The following ARL15 variants were observed in gnomAD, a reference collection of about 807,000 sequenced individuals.
The protein encoded by ARL15 is ARF like GTPase 15.
A neutral mutation model predicts 25.2 loss-of-function variants in ARL15; 19 were observed. The ratio of observed to expected loss-of-function variants is 0.75; its 90% CI spans 0.53 to 1.10. The LOEUF (loss-of-function observed/expected upper bound fraction) is 1.10, where lower values mean the gene tolerates loss of function less well. Among genes scored for constraint, ARL15 ranks in the 50% least tolerant of loss-of-function variants. The probability of loss-of-function intolerance (pLI) is 0.00; values close to 1 mark genes in which losing one functional copy is unlikely to be tolerated. For synonymous variants in ARL15, 94 were observed against 86.8 expected (o/e 1.08, Z -0.46); for missense variants, 220 against 246.0 (o/e 0.89, Z 0.71).
chr5:54,028,858 T>C (rs1223447058), intron 4 of ARL15, among the ~76,000 whole-genome samples: 1 of 151,946 alleles, frequency 6.6e-6, no homozygotes, highest in Admixed American at 6.6e-5. Flanking sequence ...CAAATAATAA[T>C]ACTACTACTA....
At chr5:54,261,965 T>A (rs1757507381) in intron 1 of ARL15, among the ~76,000 whole-genome samples, 1 of 152,204 alleles carries the variant, frequency 6.6e-6, no homozygotes, top group Non-Finnish European at 1.5e-5. Flanking sequence ...TAAGTTTATC[T>A]GGGATAATGT....
chr5:54,105,921 T>C (rs964020369), intron 4 of ARL15, among the ~76,000 whole-genome samples: 1 of 152,194 alleles, frequency 6.6e-6, no homozygotes, highest in Non-Finnish European at 1.5e-5. Flanking sequence ...TACCAGTCTC[T>C]ATGTGATAAA....
At chr5:53,912,400 T>C (rs1450736507) in intron 4 of ARL15, among the ~76,000 whole-genome samples, 3 of 152,160 alleles carry the variant, frequency 2.0e-5, no homozygotes, top group African/African-American at 7.2e-5. Flanking sequence ...AAATCAGTGA[T>C]TAATAACACG....
At chr5:54,153,833 A>G (rs1349202333) in intron 3 of ARL15, among the ~76,000 whole-genome samples, 2 of 152,212 alleles carry the variant, frequency 1.3e-5, no homozygotes, top group Non-Finnish European at 2.9e-5. Flanking sequence ...AAACAAAACA[A>G]AACAAAACAA....
At chr5:54,167,080 A>G (rs931242626) in intron 2 of ARL15, among the ~76,000 whole-genome samples, 11 of 152,190 alleles carry the variant, frequency 7.2e-5, no homozygotes, top group Admixed American at 3.9e-4. Flanking sequence ...CTTGTGAGTT[A>G]TAAGTTTTTC....
At chr5:54,306,696 A>G (rs897918341) in intron 1 of ARL15, among the ~76,000 whole-genome samples, 5 of 151,796 alleles carry the variant, frequency 3.3e-5, no homozygotes, top group African/African-American at 4.8e-5. Flanking sequence ...CAGCCACACA[A>G]TACGTTAACA....
At chr5:54,200,234 T>G (rs1370006850) in intron 1 of ARL15, among the ~76,000 whole-genome samples, 1 of 151,174 alleles carries the variant, frequency 6.6e-6, no homozygotes, top group Non-Finnish European at 1.5e-5. Context: ...GCATGGCACA[T>G]GTATACATAT....
intron 4 of ARL15, among the ~76,000 whole-genome samples, chr5:54,091,757 G>A (rs1385418392): frequency 6.6e-6 from 1 of 151,308 alleles, no homozygotes; most frequent in Non-Finnish European, 1.5e-5. Context: ...AGCAAGACTT[G>A]AGATGAAGAG....
intron 1 of ARL15, among the ~76,000 whole-genome samples, chr5:54,195,234 T>A (rs188553586): frequency 6.6e-6 from 1 of 152,224 alleles, no homozygotes; most frequent in East Asian, 1.9e-4. Flanking sequence ...AATATATACC[T>A]GGGCAGCAAG....
chr5:54,175,574 A>C (rs1162603514), intron 1 of ARL15, among the ~76,000 whole-genome samples: 1 of 151,480 alleles, frequency 6.6e-6, no homozygotes, highest in African/African-American at 2.4e-5. Context: ...ACTTCAGGTG[A>C]TCCACTCACC....
chr5:54,261,281 G>C lies in ARL15; in HGVS notation c.48+49151C>G, dbSNP rs188734858. ...TGCACCCATTAACAGACCACAGTTTGTTTTTAAGTGATCTAGTACTTACAT... is the reference window on the plus strand; with the variant it reads ...TGCACCCATTAACAGACCACAGTTTCTTTTTAAGTGATCTAGTACTTACAT... On this transcript the variant is annotated intron_variant, in intron 1 of 4. Transcript: ENST00000504924. Among the ~76,000 whole-genome samples the C allele has an allele frequency of 2.0e-5, 3 of 152,286 alleles. No homozygotes were observed. The East Asian group carries it at 5.8e-4, about 29-fold the overall frequency.
At chr5:53,927,102 A>G (rs531671125) in intron 4 of ARL15, among the ~76,000 whole-genome samples, 1 of 152,280 alleles carries the variant, frequency 6.6e-6, no homozygotes, top group South Asian at 2.1e-4. Context: ...GTACACTCAC[A>G]TTGTTGTGCA....
chr5:54,140,543 T>A (rs1220746250), intron 3 of ARL15, among the ~76,000 whole-genome samples: 1 of 151,970 alleles, frequency 6.6e-6, no homozygotes, highest in Non-Finnish European at 1.5e-5. Flanking sequence ...AACATGATAG[T>A]GGTGGCTCCC....
intron 4 of ARL15, among the ~76,000 whole-genome samples, chr5:53,982,537 A>C (rs919759664): frequency 1.3e-5 from 2 of 152,138 alleles, no homozygotes; most frequent in Non-Finnish European, 2.9e-5. Flanking sequence ...ATGGCTGCAT[A>C]GTATTCCATG....
At chr5:54,229,411 C>T (rs1182325664) in intron 1 of ARL15, among the ~76,000 whole-genome samples, 1 of 152,116 alleles carries the variant, frequency 6.6e-6, no homozygotes. Context: ...CTTCGGGTAC[C>T]TGCATCAGAA....
intron 4 of ARL15, among the ~76,000 whole-genome samples, chr5:54,076,536 A>G (rs255766): frequency 0.49 from 74,162 of 151,860 alleles, 20,038 homozygotes; most frequent in Non-Finnish European, 0.61. Flanking sequence ...CCTTTCTGAT[A>G]AACTATTTGA....
intron 1 of ARL15, among the ~76,000 whole-genome samples, chr5:54,248,434 G>A (rs26885): frequency 0.73 from 110,971 of 152,008 alleles, 41,256 homozygotes; most frequent in Non-Finnish European, 0.79. Flanking sequence ...CTGATTCAGG[G>A]CCTTTGCAAT....
At chr5:54,152,498 T>C (rs111415675) in intron 3 of ARL15, among the ~76,000 whole-genome samples, 1 of 152,120 alleles carries the variant, frequency 6.6e-6, no homozygotes, top group Non-Finnish European at 1.5e-5. Flanking sequence ...GGATACACAA[T>C]TGGATTCTAC....
At chr5:54,290,020 G>A (rs772367132) in intron 1 of ARL15, among the ~76,000 whole-genome samples, 5 of 152,010 alleles carry the variant, frequency 3.3e-5, no homozygotes, top group Non-Finnish European at 7.4e-5. Context: ...TGGTGTCTCC[G>A]CCTGCTGTCA....
Sources: allele counts gnomAD v4.1 joint callset (sites outside exome capture counted in the v4.1 genomes callset), GRCh38; gene constraint gnomAD v4.1.1; transcripts MANE v1.5; gene names NCBI Gene and HGNC (gene_info 2026-07-23, HGNC 2026-07-21).